ABCE1: variants seen among roughly 807,000 people sequenced by gnomAD.
ABCE1 encodes ATP binding cassette subfamily E member 1.
In ABCE1, 22 loss-of-function variants were observed where a neutral mutation model predicts 83.4. The ratio of observed to expected loss-of-function variants is 0.26; its 90% CI spans 0.19 to 0.38. The LOEUF (loss-of-function observed/expected upper bound fraction) is 0.38. Ranked by LOEUF, ABCE1 falls within the 10% of genes least tolerant of loss-of-function variation. The pLI is 1.00. For missense variants in ABCE1, 330 were observed against 721.9 expected, an observed-to-expected ratio of 0.46 and a Z score of 6.22; for synonymous variants, 204 against 233.7, an observed-to-expected ratio of 0.87 and a Z score of 1.16.
intron 17 of ABCE1, among the ~76,000 whole-genome samples, chr4:145,127,127 C>T (rs1267659447): frequency 2.0e-5 from 3 of 152,028 alleles, no homozygotes; most frequent in Non-Finnish European, 4.4e-5. Flanking sequence ...TTGGAAAAAA[C>T]TTTATATATA....
At chr4:145,115,666 A>G (rs1175689913) in intron 9 of ABCE1, among the ~76,000 whole-genome samples, 1 of 151,884 alleles carries the variant, frequency 6.6e-6, no homozygotes, top group South Asian at 2.1e-4. Flanking sequence ...ATTTTATTTC[A>G]TCAAACTAGC....
At position 145,111,000 on chromosome 4, in the gene ABCE1, G is replaced by C; in HGVS notation, c.646G>C (p.Asp216His). ...LTHLKERNVE[D>H]LSGGELQRFA... ...CCACCTAAAAGAACGAAATGTTGAA[G>C]ATCTTTCAGGAGGAGAGTTGCAGAG... is the stretch of plus-strand genomic sequence containing the variant. The change falls in exon 8 of 18, where the codon GAT becomes CAT. Residue 216 changes from aspartate (D) to histidine (H), a missense_variant. Coordinates refer to ENST00000296577, the MANE Select transcript of ABCE1 (RefSeq NM_002940.3). The C allele has an allele frequency of 6.2e-7, 1 of 1,612,274 alleles. No individual in the cohort carries two copies. The highest frequency in any genetic ancestry group is 8.5e-7 in the Non-Finnish European group (1 of 1,179,376).
At chr4:145,121,538 T>A in intron 13 of ABCE1, 147 bp downstream of exon 13, 1 of 628,276 alleles carries the variant, frequency 1.6e-6, no homozygotes, top group South Asian at 2.1e-5. Flanking sequence ...AAGAGTCCAA[T>A]CCTTGATTCA....
intron 1 of ABCE1, among the ~76,000 whole-genome samples, chr4:145,101,847 A>G (rs1749162693): frequency 6.6e-6 from 1 of 152,168 alleles, no homozygotes; most frequent in Admixed American, 6.6e-5. Context: ...AGCCTTCCAG[A>G]GATGTTAGGT....
intron 4 of ABCE1, 62 bp downstream of exon 4, chr4:145,108,174 T>TA (rs1226758550): frequency 6.8e-7 from 1 of 1,464,230 alleles, no homozygotes; most frequent in African/African-American, 1.4e-5. Context: ...TTTGGGATTT[T>TA]AAGAGAAGTG....
chr4:145,125,527 A>G (rs1749856989), intron 17 of ABCE1, among the ~76,000 whole-genome samples: 1 of 152,186 alleles, frequency 6.6e-6, no homozygotes, highest in African/African-American at 2.4e-5. Context: ...TATGTTTTTT[A>G]CATTTTAAGA....
chr4:145,111,244 CAG>C, intron 8 of ABCE1, 180 bp downstream of exon 8: 2 of 442,792 alleles, frequency 4.5e-6, no homozygotes, highest in East Asian at 7.2e-5. Flanking sequence ...GTTATATTCA[CAG>C]GGGAAAATAT....
At position 145,126,326 on chromosome 4, in the gene ABCE1, A is replaced by T. The variant is rs191027191; in HGVS notation, c.1753-1200A>T. ...GTTTGTTTTTTTGAGGCAGAGTCTC[A>T]CTCTCTCACCTAGGCTGGAGTGCAG... On this transcript the variant is annotated intron_variant, in intron 17 of 17. Coordinates refer to ENST00000296577, the MANE Select transcript of ABCE1 (RefSeq NM_002940.3). Among the ~76,000 whole-genome samples, 734 of 151,920 alleles carry T rather than the reference A, an allele frequency of 4.8e-3. 10 individuals are homozygous for T. Among genetic ancestry groups the T allele is most frequent in the African/African-American group, 0.017 (691 of 41,412 alleles).
intron 3 of ABCE1, among the ~76,000 whole-genome samples, chr4:145,106,902 A>G (rs1749319088): frequency 6.6e-6 from 1 of 152,160 alleles, no homozygotes; most frequent in Non-Finnish European, 1.5e-5. Flanking sequence ...CTGTTTTTAT[A>G]ATGTATAAAA....
chr4:145,104,645 G>T, intron 2 of ABCE1, 130 bp downstream of exon 2: 1 of 559,372 alleles, frequency 1.8e-6, no homozygotes. Context: ...GTGAAGACAA[G>T]AAAAGTAGTT....
chr4:145,123,991 T>C lies in ABCE1; in HGVS notation c.1640+391T>C, dbSNP rs555638069. 4 of 158,630 alleles carry C rather than the reference T, an allele frequency of 2.5e-5. No individual in the cohort carries two copies. In the South Asian group the frequency reaches 7.4e-4, roughly 29 times the overall value. 9.8% of individuals were successfully genotyped at this position (158,630 alleles called of 1,614,324 possible). A position where few individuals can be genotyped will look rare whatever the true frequency, so the allele number is the denominator to read the frequency against. Reference sequence around the variant, plus strand: ...TTTGTCCAACTTATGCTGACAGTGATTGAGCTCACAGTGGATCCCAAATAT... The same window carrying C: ...TTTGTCCAACTTATGCTGACAGTGACTGAGCTCACAGTGGATCCCAAATAT... On this transcript the variant is annotated intron_variant, in intron 16 of 17. Coordinates refer to ENST00000296577, the MANE Select transcript of ABCE1 (RefSeq NM_002940.3).
intron 9 of ABCE1, among the ~76,000 whole-genome samples, chr4:145,114,547 C>G (rs1749562338): frequency 6.6e-6 from 1 of 151,830 alleles, no homozygotes; most frequent in African/African-American, 2.4e-5. Context: ...CACTAGAAAA[C>G]AAGGCATCAG....
chr4:145,101,627 T>A (rs1360943351), intron 1 of ABCE1, among the ~76,000 whole-genome samples: 1 of 152,116 alleles, frequency 6.6e-6, no homozygotes, highest in Non-Finnish European at 1.5e-5. Flanking sequence ...TGGTAAGAGA[T>A]GATAGTGATA....
At chr4:145,117,548 C>A in intron 10 of ABCE1, 134 bp downstream of exon 10, 1 of 745,998 alleles carries the variant, frequency 1.3e-6, no homozygotes, top group Non-Finnish European at 2.0e-6. Flanking sequence ...AATTTAATCA[C>A]TGAGCATATA....
chr4:145,120,263 G>C (rs1045636481), intron 11 of ABCE1, 110 bp downstream of exon 11: 3 of 930,668 alleles, frequency 3.2e-6, no homozygotes, highest in South Asian at 1.7e-5. Flanking sequence ...TAGAAGCAGA[G>C]TTTTATTTAA....
chr4:145,105,901 T>C (rs1268522227), intron 3 of ABCE1, among the ~76,000 whole-genome samples: 1 of 151,982 alleles, frequency 6.6e-6, no homozygotes, highest in Non-Finnish European at 1.5e-5. Context: ...ACTCTTGCTG[T>C]ACTCAACTTT....
intron 11 of ABCE1, chr4:145,120,896 C>T: frequency 3.0e-6 from 1 of 336,720 alleles, no homozygotes; most frequent in South Asian, 4.7e-5. Context: ...CTAAGTAGAT[C>T]TTTTCAAACT....
intron 16 of ABCE1, 172 bp downstream of exon 16, chr4:145,123,772 G>A (rs1309063824): frequency 1.1e-5 from 6 of 536,656 alleles, no homozygotes; most frequent in Non-Finnish European, 1.9e-5. Context: ...GAAGAGTAGT[G>A]TTTAGGCTTC....
intron 1 of ABCE1, 33 bp from the exon 2 acceptor site, chr4:145,104,353 A>C (rs963994282): frequency 4.6e-5 from 50 of 1,077,640 alleles, no homozygotes; most frequent in Middle Eastern, 2.1e-4. Context: ...CCCTTAACTA[A>C]TGGCATTAAA....
Sources: gnomAD v4.1 joint callset for allele counts (sites outside exome capture counted in the v4.1 genomes callset) on GRCh38, gnomAD v4.1.1 for gene constraint, MANE v1.5 for transcripts, NCBI Gene and HGNC (gene_info 2026-07-23, HGNC 2026-07-21) for gene names.